ATG4D: variants seen among roughly 807,000 people sequenced by gnomAD.
ATG4D encodes autophagy related 4D cysteine peptidase, also known as cysteine protease ATG4D.
Under a neutral mutation model 55.2 loss-of-function variants are expected in ATG4D, and 51 were observed. That is an observed-to-expected ratio of 0.92 (90% CI 0.74 to 1.17). The LOEUF (loss-of-function observed/expected upper bound fraction) is 1.17, where lower values mean the gene tolerates loss of function less well. ATG4D is among the 50% of genes most tolerant of loss of function. The probability of loss-of-function intolerance (pLI) is 0.00; values close to 1 mark genes in which losing one functional copy is unlikely to be tolerated. For synonymous variants in ATG4D, 268 were observed against 266.2 expected, an observed-to-expected ratio of 1.01 and a Z score of -0.07; for missense variants, 635 against 649.6, an observed-to-expected ratio of 0.98 and a Z score of 0.25.
intron 5 of ATG4D, among the ~76,000 whole-genome samples, chr19:10,548,161 C>G (rs1233254266): frequency 6.6e-6 from 1 of 150,984 alleles, no homozygotes; most frequent in Non-Finnish European, 1.5e-5. Flanking sequence ...CTCCCAATAG[C>G]TGGGACTACA....
chr19:10,546,925 T>C lies in ATG4D; in HGVS notation c.580T>C (p.Trp194Arg). 6.2e-7 allele frequency: 1 copy of C among 1,612,430 alleles called. No homozygotes were observed. The highest frequency in any genetic ancestry group is 8.5e-7 in the Non-Finnish European group (1 of 1,179,588). Reference protein sequence around the residue: ...SPSRYHGPARWMPPRWAQGAP... With the variant: ...SPSRYHGPARRMPPRWAQGAP... ...CAGCCGGTACCATGGGCCTGCCCGC[T>C]GGATGCCCCCACGCTGGGCCCAGGG... Residue 194 changes from tryptophan to arginine, a missense_variant, in exon 4 of 10, where the codon TGG becomes CGG. Transcript: ENST00000309469.
rs766532088 is a variant in ATG4D at position 10,553,008 on chromosome 19, C to T, written c.1366C>T (p.Arg456Cys). 1 of 1,612,824 alleles carries T rather than the reference C, an allele frequency of 6.2e-7. No homozygotes were observed. Among genetic ancestry groups the T allele is most frequent in the Non-Finnish European group, 8.5e-7 (1 of 1,179,974 alleles). Reference sequence around the variant, plus strand: ...CGCCCAGCCCACACTCCGGCTCCCTCGCACAGGGCGGCTCCTCAGGGCCAA... The same window carrying T: ...CGCCCAGCCCACACTCCGGCTCCCTTGCACAGGGCGGCTCCTCAGGGCCAA... The part of the protein sequence containing the change: ...QLAQPTLRLP[R>C]TGRLLRAKRP... The change falls in exon 10 of 10, where the codon CGC becomes TGC. Residue 456 changes from arginine (R) to cysteine (C), a missense_variant. Coordinates refer to ENST00000309469, the MANE Select transcript of ATG4D (RefSeq NM_032885.6).
chr19:10,548,124 G>A (rs1322461227), intron 5 of ATG4D, among the ~76,000 whole-genome samples: 2 of 137,924 alleles, frequency 1.5e-5, no homozygotes, highest in African/African-American at 5.5e-5. Flanking sequence ...TCCGCCTCCT[G>A]AGTTCGAGTG....
Position 10,552,235 on chromosome 19 carries a change from G to A in ATG4D, c.1153G>A (p.Ala385Thr), listed in dbSNP as rs1376601891. ...CCACTGCACCTCGCCCCGCAAGATG[G>A]CCTTTGCCAAGATGGACCCAAGCTG... ...SFHCTSPRKMAFAKMDPSCTV... is the reference protein window; with the variant it reads ...SFHCTSPRKMTFAKMDPSCTV... Residue 385 changes from alanine (A) to threonine (T), a missense_variant, in exon 9 of 10, where the codon GCC becomes ACC. Physicochemically the swap from Ala to Thr is moderately conservative, Grantham distance 58. Transcript: ENST00000309469. 6.2e-7 allele frequency: 1 copy of A among 1,613,432 alleles called. No individual in the cohort carries two copies. Among genetic ancestry groups the A allele is most frequent in the Non-Finnish European group, 8.5e-7 (1 of 1,180,026 alleles).
In ATG4D at chr19:10,544,994, C is replaced by T; in HGVS notation, c.357C>T (p.Arg119=). Reference sequence around the variant, plus strand: ...GTTTCCAGCGGGACTTTGTGTCCCGCCTGTGGCTCACATACCGCCGGGACT... The same window carrying T: ...GTTTCCAGCGGGACTTTGTGTCCCGTCTGTGGCTCACATACCGCCGGGACT... ...IQRFQRDFVS[R]LWLTYRRDFP... The change falls in exon 3 of 10, where the codon CGC becomes CGT. Residue 119 remains arginine, a synonymous_variant. Transcript: ENST00000309469. 1 of 1,603,464 alleles carries T rather than the reference C, an allele frequency of 6.2e-7. No individual in the cohort carries two copies. The highest frequency in any genetic ancestry group is 1.1e-5 in the South Asian group (1 of 89,890).
In ATG4D at chr19:10,552,778, C is replaced by A; in HGVS notation, c.1243-107C>A. On this transcript the variant is annotated intron_variant, in intron 9 of 9. Transcript: ENST00000309469. ...GGGGATGGAAGGTGCTGATTGGCTG[C>A]TCTCTCCTGGAGAGGTGGTCCTGAG... The A allele has an allele frequency of 6.6e-6, 8 of 1,214,820 alleles. No individual in the cohort carries two copies. The South Asian group carries it at 1.2e-4, about 18-fold the overall frequency. The allele number at this position is 1,214,820 out of a possible 1,614,324, so 75.3% of individuals were successfully genotyped here.
chr19:10,548,811 T>C (rs1171893815), intron 5 of ATG4D, 93 bp from the exon 6 acceptor site: 21 of 1,517,746 alleles, frequency 1.4e-5, no homozygotes, highest in Non-Finnish European at 1.8e-5. Flanking sequence ...TCTGAGAAAT[T>C]GCACGGTTGA....
At position 10,544,163 on chromosome 19, in the gene ATG4D, G is replaced by A; in HGVS notation, c.73G>A (p.Ala25Thr). The A allele has an allele frequency of 8.0e-7, 1 of 1,245,182 alleles. No individual in the cohort carries two copies. The highest frequency in any genetic ancestry group is 1.0e-6 in the Non-Finnish European group (1 of 987,536). The allele number at this position is 1,245,182 out of a possible 1,614,324, so 77.1% of individuals were successfully genotyped here. A position where few individuals can be genotyped will look rare whatever the true frequency, so the allele number is the denominator to read the frequency against. The stretch of plus-strand genomic sequence containing the variant: ...GGAGGACGCGCGCCGCCGGCCCGAG[G>A]CCCGCAGGCCGCGGGGTCCCAGAGG... ...SPEDARRRPE[A>T]RRPRGPRGPD... is the part of the protein sequence containing the mutation. Residue 25 changes from alanine to threonine, a missense_variant, in exon 1 of 10, where the codon GCC becomes ACC. Physicochemically the swap from Ala to Thr is moderately conservative, Grantham distance 58. Coordinates refer to ENST00000309469, the MANE Select transcript of ATG4D (RefSeq NM_032885.6).
chr19:10,551,466 G>A (rs548884617), intron 6 of ATG4D, among the ~76,000 whole-genome samples: 2 of 151,822 alleles, frequency 1.3e-5, no homozygotes, highest in South Asian at 2.1e-4. Context: ...AGGCCGAGAC[G>A]GGCAGATCAC....
rs944750887 is a variant in ATG4D at position 10,543,940 on chromosome 19, A to G, written c.-151A>G. The G allele has an allele frequency of 2.1e-4, 95 of 442,524 alleles. No homozygotes were observed. Among genetic ancestry groups the G allele is most frequent in the Middle Eastern group, 6.2e-4 (1 of 1,602 alleles). The allele number at this position is 442,524 out of a possible 1,614,324, so 27.4% of individuals were successfully genotyped here. Reference sequence around the variant, plus strand: ...CTAAGATGGCGATGGCTGCGGTAGCAGCGGCGGCGGCTGTTGCCTGGCCCG... The same window carrying G: ...CTAAGATGGCGATGGCTGCGGTAGCGGCGGCGGCGGCTGTTGCCTGGCCCG... On this transcript the variant is annotated 5_prime_UTR_variant, in exon 1 of 10. Transcript: ENST00000309469.
intron 9 of ATG4D, 100 bp from the exon 10 acceptor site, chr19:10,552,785 C>T: frequency 7.7e-7 from 1 of 1,300,096 alleles, no homozygotes; most frequent in Non-Finnish European, 1.1e-6. Context: ...CTGCTCTCTC[C>T]TGGAGAGGTG....
chr19:10,550,032 G>A (rs192252481), intron 6 of ATG4D, among the ~76,000 whole-genome samples: 1 of 152,028 alleles, frequency 6.6e-6, no homozygotes, highest in East Asian at 1.9e-4. Context: ...GAAAATATTC[G>A]AGTCTCACTC....
chr19:10,552,117 TG>T lies in ATG4D; in HGVS notation c.1120del (p.Glu374SerfsTer39), dbSNP rs772780311. On this transcript the variant is annotated frameshift_variant, in exon 8 of 10. Coordinates refer to ENST00000309469, the MANE Select transcript of ATG4D (RefSeq NM_032885.6). LOFTEE classifies it high-confidence loss of function. ...GATGTCAGCCAGGCCGACTTCCCCCTGGAGGTGAGTGGGAGCCCCAGTGTGT... is the reference window on the plus strand; with the variant it reads ...GATGTCAGCCAGGCCGACTTCCCCCTGAGGTGAGTGGGAGCCCCAGTGTGT... ...TVDVSQADFP[L>X]ESFHCTSPRK... 2 of 1,611,480 alleles carry T rather than the reference TG, an allele frequency of 1.2e-6. No individual in the cohort carries two copies. Among genetic ancestry groups the T allele is most frequent in the Non-Finnish European group, 1.7e-6 (2 of 1,179,916 alleles).
chr19:10,552,024 TCA>T lies in ATG4D; in HGVS notation c.1046-17_1046-16del, dbSNP rs768984488. On this transcript the variant is annotated intron_variant, in intron 7 of 9. Coordinates refer to ENST00000309469, the MANE Select transcript of ATG4D (RefSeq NM_032885.6). ...CTCCCACCCCCCACCGCACCCCCAC[TCA>T]CACCTGCACCCCCTGCAGATGACTT... is the stretch of plus-strand genomic sequence containing the variant. 1.0e-5 allele frequency: 11 copies of T among 1,101,318 alleles called. No individual in the cohort carries two copies. Among genetic ancestry groups the T allele is most frequent in the Non-Finnish European group, 1.3e-5 (11 of 846,028 alleles). 68.2% of individuals were successfully genotyped at this position (1,101,318 alleles called of 1,614,324 possible).
intron 5 of ATG4D, among the ~76,000 whole-genome samples, chr19:10,548,675 C>T (rs1459883688): frequency 6.6e-6 from 1 of 152,106 alleles, no homozygotes; most frequent in Non-Finnish European, 1.5e-5. Context: ...GGTCTACATC[C>T]CAGGGCCTCA....
At chr19:10,546,739 C>G in intron 3 of ATG4D, 100 bp from the exon 4 acceptor site, 1 of 1,208,216 alleles carries the variant, frequency 8.3e-7, no homozygotes, top group Non-Finnish European at 1.1e-6. Context: ...TGTTGAATTA[C>G]GGGGTTCAGG....
Position 10,553,054 on chromosome 19 carries a change from T to G in ATG4D, c.1412T>G (p.Phe471Cys). ...LRAKRPSSED[F>C]VFL ...GCCAAACGCCCCAGCTCTGAGGACT[T>G]TGTGTTTTTATAAAGGGAGGGGATG... is the stretch of plus-strand genomic sequence containing the variant. The change falls in exon 10 of 10, where the codon TTT (phenylalanine) becomes TGT (cysteine). Residue 471 changes from phenylalanine to cysteine, a missense_variant. Physicochemically the swap from Phe to Cys is radical, Grantham distance 205. Coordinates refer to ENST00000309469, the MANE Select transcript of ATG4D (RefSeq NM_032885.6). 1 of 1,600,778 alleles carries G rather than the reference T, an allele frequency of 6.2e-7. No homozygotes were observed. The highest frequency in any genetic ancestry group is 2.2e-5 in the East Asian group (1 of 44,666).
At position 10,547,096 on chromosome 19, in the gene ATG4D, C is replaced by A; in HGVS notation, c.751C>A (p.Leu251Ile). 6.2e-7 allele frequency: 1 copy of A among 1,602,540 alleles called. No homozygotes were observed. The highest frequency in any genetic ancestry group is 8.5e-7 in the Non-Finnish European group (1 of 1,175,066). Reference sequence around the variant, plus strand: ...GGCAGGTGACTGGTATGGGCCATCGCTAGTGGCACACATCCTCAGGTGAGG... The same window carrying A: ...GGCAGGTGACTGGTATGGGCCATCGATAGTGGCACACATCCTCAGGTGAGG... The part of the protein sequence containing the change: ...KKAGDWYGPS[L>I]VAHILRKAVE... Residue 251 changes from leucine to isoleucine, a missense_variant, in exon 4 of 10, where the codon CTA (leucine) becomes ATA (isoleucine). By Grantham distance (5) the Leu-to-Ile change is conservative. Transcript: ENST00000309469.
intron 6 of ATG4D, among the ~76,000 whole-genome samples, chr19:10,549,561 G>T (rs1229753027): frequency 6.6e-6 from 1 of 152,158 alleles, no homozygotes; most frequent in Non-Finnish European, 1.5e-5. Context: ...GGGACTACAG[G>T]CGTGTGCCAC....
Sources: gnomAD v4.1 joint callset for allele counts (sites outside exome capture counted in the v4.1 genomes callset) on GRCh38, gnomAD v4.1.1 for gene constraint, MANE v1.5 for transcripts, NCBI Gene and HGNC (gene_info 2026-07-23, HGNC 2026-07-21) for gene names.